The following PGM2 variants were observed in gnomAD, a reference collection of about 807,000 sequenced individuals.
PGM2 encodes the protein phosphopentomutase.
PGM2 carries 57 observed loss-of-function variants against 74.6 expected under a neutral mutation model. That is an observed-to-expected ratio of 0.76 (90% CI 0.62 to 0.95). The LOEUF (loss-of-function observed/expected upper bound fraction) is 0.95, where lower values mean the gene tolerates loss of function less well. Among genes scored for constraint, PGM2 ranks in the 40% least tolerant of loss-of-function variants. PGM2 has a pLI of 0.00. For missense variants in PGM2, 706 were observed against 741.9 expected (o/e 0.95, Z 0.56); for synonymous variants, 273 against 260.7 (o/e 1.05, Z -0.46).
At chr4:37,857,380 T>C (rs1444130330) in intron 13 of PGM2, among the ~76,000 whole-genome samples, 2 of 152,100 alleles carry the variant, frequency 1.3e-5, no homozygotes, top group East Asian at 3.8e-4. Flanking sequence ...TTCCTGAGCA[T>C]CTTAAATTGC....
At chr4:37,839,779 T>C in intron 4 of PGM2, 69 bp from the exon 5 acceptor site, 1 of 869,014 alleles carries the variant, frequency 1.2e-6, no homozygotes, top group South Asian at 1.4e-5. Context: ...CAGTATAAAA[T>C]AGACATTTTA....
At chr4:37,839,962 T>C (rs1353247353) in intron 5 of PGM2, 31 bp downstream of exon 5, 1 of 1,491,168 alleles carries the variant, frequency 6.7e-7, no homozygotes, top group African/African-American at 1.4e-5. Context: ...CACACGTACA[T>C]CCTTCTGTAG....
chr4:37,828,360 TA>T lies in PGM2; in HGVS notation c.81+1549del, dbSNP rs200084136. Among the ~76,000 whole-genome samples, 703 of 152,026 alleles carry T rather than the reference TA, an allele frequency of 4.6e-3. 6 individuals are homozygous for T. Among genetic ancestry groups the T allele is most frequent in the African/African-American group, 0.016 (659 of 41,454 alleles). On this transcript the variant is annotated intron_variant, in intron 1 of 13. Transcript: ENST00000381967. ...GAGATGAGATGTCCTTTTTTTTTTTTAATCACTTCTCATGTTCTATCCTCTG... is the reference window on the plus strand; with the variant it reads ...GAGATGAGATGTCCTTTTTTTTTTTTATCACTTCTCATGTTCTATCCTCTG...
At position 37,839,899 on chromosome 4, in the gene PGM2, T is replaced by C. The variant is rs750256678; in HGVS notation, c.493T>C (p.Ser165Pro). ...KLCAGIMITA[S>P]HNPKQDNGYK... ...TTGTGCTGGAATCATGATAACTGCA[T>C]CTCACAATCCAAAGCAGGATAATGG... The change falls in exon 5 of 14, where the codon TCT becomes CCT. Residue 165 changes from serine (S) to proline (P), a missense_variant. Coordinates refer to ENST00000381967, the MANE Select transcript of PGM2 (RefSeq NM_018290.4). 5 of 1,605,466 alleles carry C rather than the reference T, an allele frequency of 3.1e-6. No homozygotes were observed. Among genetic ancestry groups the C allele is most frequent in the Non-Finnish European group, 4.3e-6 (5 of 1,172,106 alleles).
intron 1 of PGM2, 101 bp downstream of exon 1, chr4:37,826,914 C>A: frequency 1.5e-6 from 1 of 683,032 alleles, no homozygotes; most frequent in Non-Finnish European, 2.4e-6. Context: ...CCTTCCCGCC[C>A]AGTGCATCCC....
intron 2 of PGM2, 77 bp downstream of exon 2, chr4:37,830,208 C>A: frequency 9.4e-7 from 1 of 1,061,080 alleles, no homozygotes. Flanking sequence ...CTAATTTATT[C>A]TAATTATAGA....
intron 13 of PGM2, among the ~76,000 whole-genome samples, chr4:37,856,378 C>T (rs181556083): frequency 1.8e-3 from 274 of 152,048 alleles, no homozygotes; most frequent in African/African-American, 6.0e-3. Flanking sequence ...GAGCGAGACT[C>T]CATCTCAAAA....
intron 13 of PGM2, among the ~76,000 whole-genome samples, chr4:37,857,308 G>A (rs1711555256): frequency 6.6e-6 from 1 of 152,126 alleles, no homozygotes; most frequent in Non-Finnish European, 1.5e-5. Context: ...CCAAAGCTTT[G>A]CTCATAGAAG....
intron 8 of PGM2, among the ~76,000 whole-genome samples, chr4:37,846,290 G>A (rs1390937932): frequency 6.6e-6 from 1 of 151,920 alleles, no homozygotes; most frequent in East Asian, 1.9e-4. Flanking sequence ...TAGCCTATGT[G>A]ATGTTTTGGG....
chr4:37,850,101 A>G, intron 11 of PGM2, 83 bp from the exon 12 acceptor site: 1 of 770,682 alleles, frequency 1.3e-6, no homozygotes, highest in Non-Finnish European at 2.1e-6. Flanking sequence ...TTTATTTTAG[A>G]ATACACTGGT....
At chr4:37,828,386 G>A (rs1195412940) in intron 1 of PGM2, among the ~76,000 whole-genome samples, 1 of 150,828 alleles carries the variant, frequency 6.6e-6, no homozygotes, top group Admixed American at 6.6e-5. Flanking sequence ...TCTATCCTCT[G>A]TTAATTTCTT....
At chr4:37,829,051 A>G (rs1468338338) in intron 1 of PGM2, among the ~76,000 whole-genome samples, 1 of 152,224 alleles carries the variant, frequency 6.6e-6, no homozygotes, top group Non-Finnish European at 1.5e-5. Flanking sequence ...ATCTAAATGG[A>G]TAATGACTGT....
Position 37,861,493 on chromosome 4 carries a change from T to C in PGM2, c.1737-17T>C, listed in dbSNP as rs112604109. 47 of 1,553,538 alleles carry C rather than the reference T, an allele frequency of 3.0e-5. No homozygotes were observed. The African/African-American group carries it at 5.7e-4, about 19-fold the overall frequency. ...AATAATCCCTTGACCTGGATTTTTT[T>C]CCCCCTTATTTTCCAGTGATCCTGA... On this transcript the variant is annotated splice_polypyrimidine_tract_variant and intron_variant, in intron 13 of 13. Coordinates refer to ENST00000381967, the MANE Select transcript of PGM2 (RefSeq NM_018290.4).
chr4:37,842,292 T>C (rs2152177543), intron 6 of PGM2, among the ~76,000 whole-genome samples: 2 of 151,400 alleles, frequency 1.3e-5, no homozygotes, highest in East Asian at 3.9e-4. Context: ...ATCTGTATAA[T>C]ATTTATTAGT....
At chr4:37,836,805 A>G (rs956778315) in intron 3 of PGM2, among the ~76,000 whole-genome samples, 2 of 152,154 alleles carry the variant, frequency 1.3e-5, no homozygotes, top group South Asian at 4.1e-4. Flanking sequence ...GAAAAATGTC[A>G]AAGAATTAAG....
At chr4:37,829,586 G>A (rs1345881128) in intron 1 of PGM2, among the ~76,000 whole-genome samples, 3 of 152,122 alleles carry the variant, frequency 2.0e-5, no homozygotes, top group African/African-American at 2.4e-5. Context: ...CTTAAAAATC[G>A]TGTAAGGGAG....
intron 1 of PGM2, 114 bp from the exon 2 acceptor site, chr4:37,829,850 A>ATG: frequency 3.2e-6 from 1 of 315,704 alleles, no homozygotes; most frequent in Non-Finnish European, 5.4e-6. Flanking sequence ...AGGTCTACAT[A>ATG]TATATATATA....
Position 37,862,460 on chromosome 4 carries a change from T to C in PGM2, c.*848T>C, listed in dbSNP as rs887466593. On this transcript the variant is annotated 3_prime_UTR_variant, in exon 14 of 14. Transcript: ENST00000381967. Reference sequence around the variant, plus strand: ...CCCTCGTTTTTTTCTCTTGTTCTTGTGTGGTCTGAAATCTAAAACTAGACT... The same window carrying C: ...CCCTCGTTTTTTTCTCTTGTTCTTGCGTGGTCTGAAATCTAAAACTAGACT... The C allele has an allele frequency of 6.6e-6, 1 of 152,136 alleles. No homozygotes were observed. The highest frequency in any genetic ancestry group is 2.4e-5 in the African/African-American group (1 of 41,444). 9.4% of individuals were successfully genotyped at this position (152,136 alleles called of 1,614,324 possible).
intron 6 of PGM2, 63 bp downstream of exon 6, chr4:37,840,322 G>A: frequency 3.2e-6 from 3 of 926,892 alleles, no homozygotes; most frequent in Non-Finnish European, 5.2e-6. Context: ...AATTCTATTA[G>A]TGTTTGTGAA....
Sources: gnomAD v4.1 joint callset for allele counts (sites outside exome capture counted in the v4.1 genomes callset) on GRCh38, gnomAD v4.1.1 for gene constraint, MANE v1.5 for transcripts, NCBI Gene and HGNC (gene_info 2026-07-23, HGNC 2026-07-21) for gene names.